Variants in MAP3K19 observed in about 807,000 individuals in gnomAD.
MAP3K19 encodes mitogen-activated protein kinase kinase kinase 19.
A neutral mutation model predicts 114.4 loss-of-function variants in MAP3K19; 91 were observed. The observed-to-expected ratio is 0.80, with a 90% CI of 0.67 to 0.95. MAP3K19 has a LOEUF of 0.95. Among genes scored for constraint, MAP3K19 ranks in the 40% least tolerant of loss-of-function variants. MAP3K19 has a pLI of 0.00. For synonymous variants in MAP3K19, 518 were observed against 530.5 expected (o/e 0.98, Z 0.32); for missense variants, 1,471 against 1,573.2 (o/e 0.94, Z 1.10).
intron 5 of MAP3K19, among the ~76,000 whole-genome samples, chr2:135,019,237 G>C (rs1360202816): frequency 6.6e-6 from 1 of 152,080 alleles, no homozygotes; most frequent in Non-Finnish European, 1.5e-5. Context: ...AGAAAAAAAT[G>C]GATGTTGTTT....
chr2:135,001,134 A>C (rs1243678687), intron 6 of MAP3K19, among the ~76,000 whole-genome samples: 4 of 152,196 alleles, frequency 2.6e-5, no homozygotes, highest in South Asian at 2.1e-4. Context: ...TAAAAAAAAA[A>C]ACACAGTAAA....
At chr2:134,974,430 C>A (rs1684089220) in intron 12 of MAP3K19, among the ~76,000 whole-genome samples, 1 of 152,104 alleles carries the variant, frequency 6.6e-6, no homozygotes, top group Non-Finnish European at 1.5e-5. Flanking sequence ...TTAGAATTTT[C>A]TCTTTGTCTT....
At chr2:134,966,145 G>A (rs62168899) in intron 12 of MAP3K19, among the ~76,000 whole-genome samples, 19,103 of 152,180 alleles carry the variant, frequency 0.13, 1,374 homozygotes, top group Admixed American at 0.19. Flanking sequence ...GGACACTTAG[G>A]TGGATCCATA....
chr2:134,977,142 T>G (rs980654779), intron 12 of MAP3K19, among the ~76,000 whole-genome samples: 15 of 151,246 alleles, frequency 9.9e-5, no homozygotes, highest in African/African-American at 3.1e-4. Flanking sequence ...AATCCTTTCC[T>G]TGAACTGGAT....
intron 12 of MAP3K19, among the ~76,000 whole-genome samples, chr2:134,977,394 G>A (rs1175328219): frequency 1.7e-5 from 2 of 116,948 alleles, no homozygotes; most frequent in Admixed American, 2.5e-4. Context: ...ATGAAGTCTC[G>A]CTCTGTCACC....
intron 5 of MAP3K19, among the ~76,000 whole-genome samples, chr2:135,011,402 T>TG (rs1430604393): frequency 1.3e-5 from 2 of 151,964 alleles, no homozygotes; most frequent in East Asian, 3.9e-4. Context: ...CCAGGCGTAG[T>TG]GGCGGGCCCC....
Position 134,986,295 on chromosome 2 carries a change from G to A in MAP3K19, c.2577C>T (p.Pro859=), listed in dbSNP as rs772548030. The A allele has an allele frequency of 6.2e-7, 1 of 1,614,002 alleles. No individual in the cohort carries two copies. The highest frequency in any genetic ancestry group is 1.1e-5 in the South Asian group (1 of 91,046). Residue 859 remains proline, a synonymous_variant, in exon 10 of 13, where the codon CCC becomes CCT. Coordinates refer to ENST00000392915, the MANE Select transcript of MAP3K19 (RefSeq NM_025052.5). The part of the protein sequence containing the change: ...FIPSEDSWAV[P]SEKNSNKYVQ... ...CATACTTGTTAGAATTCTTCTCACT[G>A]GGCACTGCCCAGCTGTCTTCTGAAG... is the stretch of plus-strand genomic sequence containing the variant.
intron 8 of MAP3K19, among the ~76,000 whole-genome samples, chr2:134,993,775 G>T (rs963196959): frequency 6.6e-6 from 1 of 152,126 alleles, no homozygotes; most frequent in African/African-American, 2.4e-5. Flanking sequence ...TAGGTAATTT[G>T]GTAACATGTG....
chr2:134,981,880 C>CTTTTTTT (rs567597251), intron 11 of MAP3K19, among the ~76,000 whole-genome samples: 1,928 of 124,384 alleles, frequency 0.016, no homozygotes, highest in Non-Finnish European at 0.024. Flanking sequence ...GATTTCTTTT[C>CTTTTTTT]TTTTTTTTTT....
chr2:135,046,543 T>C (rs994467883), intron 1 of MAP3K19, among the ~76,000 whole-genome samples: 2 of 152,236 alleles, frequency 1.3e-5, no homozygotes, highest in African/African-American at 4.8e-5. Flanking sequence ...CCCAAAGTGC[T>C]AGGATTACGG....
In MAP3K19 at chr2:134,987,531, G is replaced by A. The variant is rs1191754354; in HGVS notation, c.1341C>T (p.Val447=). 1 of 1,614,138 alleles carries A rather than the reference G, an allele frequency of 6.2e-7. No individual in the cohort carries two copies. The highest frequency in any genetic ancestry group is 8.5e-7 in the Non-Finnish European group (1 of 1,180,024). The change falls in exon 10 of 13, where the codon GTC becomes GTT. Residue 447 remains valine, a synonymous_variant. Coordinates refer to ENST00000392915, the MANE Select transcript of MAP3K19 (RefSeq NM_025052.5). ...GGAGTTTATCAATGGGGTCATCAAA[G>A]ACTACACTGGATAAGCTTTTAAGTA... The part of the protein sequence containing the change: ...CTVLKSLSSV[V]FDDPIDKLPE...
chr2:135,025,273 C>G (rs1688208037), intron 3 of MAP3K19, among the ~76,000 whole-genome samples: 1 of 150,050 alleles, frequency 6.7e-6, no homozygotes, highest in Non-Finnish European at 1.5e-5. Flanking sequence ...ATAGAATCTT[C>G]TCTTTAAAAT....
At chr2:135,046,124 G>A (rs1280594970) in intron 1 of MAP3K19, among the ~76,000 whole-genome samples, 1 of 152,016 alleles carries the variant, frequency 6.6e-6, no homozygotes, top group East Asian at 1.9e-4. Context: ...TAGAGACAGA[G>A]TCTCACTATG....
intron 12 of MAP3K19, among the ~76,000 whole-genome samples, chr2:134,980,314 A>G (rs138583982): frequency 9.2e-5 from 14 of 152,338 alleles, no homozygotes; most frequent in African/African-American, 3.4e-4. Flanking sequence ...CTAACATTTT[A>G]CCCACAATTT....
Position 134,987,459 on chromosome 2 carries a change from T to C in MAP3K19, c.1413A>G (p.Ala471=). The C allele has an allele frequency of 6.2e-7, 1 of 1,614,212 alleles. No individual in the cohort carries two copies. The highest frequency in any genetic ancestry group is 8.5e-7 in the Non-Finnish European group (1 of 1,180,042). ...SMETNIKISI[A]ERAKPEMSRM... The stretch of plus-strand genomic sequence containing the variant: ...TACTCATTTCTGGTTTGGCTCTTTC[T>C]GCTATTGATATTTTTATGTTTGTCT... Residue 471 remains alanine, a synonymous_variant, in exon 10 of 13, where the codon GCA becomes GCG. Transcript: ENST00000392915.
Position 134,980,894 on chromosome 2 carries a change from G to A in MAP3K19, c.3847C>T (p.Arg1283Ter), listed in dbSNP as rs753985212. The part of the protein sequence containing the change: ...MAAMFYIGAH[R>*]GLMPPLPDHF... ...TCTGGTAAAGGAGGCATCAGCCCTC[G>A]GTGTGCTCCGATGTAAAACATGGCG... Residue 1283 changes from arginine to a stop codon, truncating the protein, a stop_gained, in exon 12 of 13, where the codon CGA (arginine) becomes TGA (stop). Coordinates refer to ENST00000392915, the MANE Select transcript of MAP3K19 (RefSeq NM_025052.5). LOFTEE classifies it high-confidence loss of function. The A allele has an allele frequency of 1.8e-5, 29 of 1,614,078 alleles. No homozygotes were observed. In the Admixed American group the frequency reaches 2.5e-4, roughly 14 times the overall value.
intron 9 of MAP3K19, among the ~76,000 whole-genome samples, chr2:134,988,991 A>G (rs1685370644): frequency 6.6e-6 from 1 of 152,212 alleles, no homozygotes; most frequent in South Asian, 2.1e-4. Context: ...CAGAATTCAT[A>G]TCCGAAACAC....
chr2:135,017,904 A>G (rs13382861), intron 5 of MAP3K19, among the ~76,000 whole-genome samples: 2,369 of 152,320 alleles, frequency 0.016, 51 homozygotes, highest in African/African-American at 0.053. Context: ...TTTATGTACC[A>G]CTAAAAATGA....
intron 1 of MAP3K19, among the ~76,000 whole-genome samples, chr2:135,043,256 C>G (rs1198933889): frequency 1.3e-5 from 2 of 152,080 alleles, no homozygotes; most frequent in Admixed American, 1.3e-4. Context: ...AGCAGCAGAG[C>G]CAGTATGTAA....
Sources: gnomAD v4.1 joint callset for allele counts (sites outside exome capture counted in the v4.1 genomes callset) on GRCh38, gnomAD v4.1.1 for gene constraint, MANE v1.5 for transcripts, NCBI Gene and HGNC (gene_info 2026-07-23, HGNC 2026-07-21) for gene names.